Variants in DCDC1 observed in about 807,000 individuals in gnomAD.
DCDC1 encodes the protein doublecortin domain containing 1, also known as doublecortin domain-containing protein 1.
In DCDC1, 200 loss-of-function variants were observed where a neutral mutation model predicts 178.3. The ratio of observed to expected loss-of-function variants is 1.12; its 90% CI spans 1.00 to 1.26. The LOEUF (loss-of-function observed/expected upper bound fraction) is 1.26, where lower values mean the gene tolerates loss of function less well. Among genes scored for constraint, DCDC1 ranks in the 50% most tolerant of loss-of-function variants. The probability of loss-of-function intolerance (pLI) is 0.00; values close to 1 mark genes in which losing one functional copy is unlikely to be tolerated. For synonymous variants in DCDC1, 690 were observed against 604.8 expected, an observed-to-expected ratio of 1.14 and a Z score of -2.07; for missense variants, 1,983 against 1,749.2, an observed-to-expected ratio of 1.13 and a Z score of -2.38.
At chr11:31,359,740 A>C (rs1341923154) in intron 1 of DCDC1, among the ~76,000 whole-genome samples, 1 of 152,182 alleles carries the variant, frequency 6.6e-6, no homozygotes, top group African/African-American at 2.4e-5. Flanking sequence ...TTTTCTGTAC[A>C]TTTTCCCTAC....
At chr11:31,369,201 T>G (rs1011989397) in intron 1 of DCDC1, among the ~76,000 whole-genome samples, 1 of 152,330 alleles carries the variant, frequency 6.6e-6, no homozygotes, top group Non-Finnish European at 1.5e-5. Flanking sequence ...GCCTTACTTG[T>G]CTCACTGGGT....
intron 20 of DCDC1, among the ~76,000 whole-genome samples, chr11:31,016,144 A>C (rs534801807): frequency 2.0e-5 from 3 of 152,336 alleles, no homozygotes; most frequent in South Asian, 4.1e-4. Context: ...CTTCAGTCAT[A>C]AAATGGGAAT....
At chr11:31,074,165 A>AG (rs1326945674) in intron 18 of DCDC1, among the ~76,000 whole-genome samples, 1 of 152,190 alleles carries the variant, frequency 6.6e-6, no homozygotes, top group East Asian at 1.9e-4. Flanking sequence ...CTCATGGCTC[A>AG]GATCCAGTTC....
intron 20 of DCDC1, among the ~76,000 whole-genome samples, chr11:31,007,471 C>T (rs992585651): frequency 9.9e-5 from 15 of 152,112 alleles, no homozygotes; most frequent in African/African-American, 2.7e-4. Flanking sequence ...AACACTCCAA[C>T]GCTGATATAC....
intron 15 of DCDC1, among the ~76,000 whole-genome samples, chr11:31,094,989 T>A (rs1200014559): frequency 6.6e-6 from 1 of 152,144 alleles, no homozygotes; most frequent in Non-Finnish European, 1.5e-5. Flanking sequence ...TTCCCCTCCC[T>A]GTGTCCCTTT....
intron 20 of DCDC1, among the ~76,000 whole-genome samples, chr11:31,055,396 G>C (rs1362798165): frequency 6.6e-6 from 1 of 152,170 alleles, no homozygotes; most frequent in Non-Finnish European, 1.5e-5. Flanking sequence ...ATGTAAACTA[G>C]TACAATCACT....
At position 31,096,119 on chromosome 11, in the gene DCDC1, T is replaced by TTA. The variant is rs143761935; in HGVS notation, c.1984-1937_1984-1936dup. On this transcript the variant is annotated intron_variant, in intron 15 of 38. Transcript: ENST00000684477. ...AGGATAAAACTAATATATGTGGTAA[T>TTA]TATTCTGTAATGAAAGTCACTTCTC... Among the ~76,000 whole-genome samples, 25 of 152,306 alleles carry TTA rather than the reference T, an allele frequency of 1.6e-4. No homozygotes were observed. In the East Asian group the frequency reaches 4.8e-3, roughly 29 times the overall value.
chr11:31,264,451 A>AAG (rs992927307), intron 8 of DCDC1, among the ~76,000 whole-genome samples: 2 of 151,928 alleles, frequency 1.3e-5, no homozygotes, highest in African/African-American at 4.8e-5. Flanking sequence ...GGGAGGCAGA[A>AAG]AGAGAGAGAG....
At chr11:31,061,111 A>G (rs900751045) in intron 20 of DCDC1, among the ~76,000 whole-genome samples, 3 of 152,130 alleles carry the variant, frequency 2.0e-5, no homozygotes, top group African/African-American at 7.2e-5. Flanking sequence ...TTCCAATGCA[A>G]CTAACACAGA....
intron 34 of DCDC1, 39 bp downstream of exon 34, chr11:30,899,502 G>T: frequency 7.6e-7 from 1 of 1,324,280 alleles, no homozygotes; most frequent in Non-Finnish European, 9.9e-7. Flanking sequence ...GCTACATTTT[G>T]AATTAAATAT....
At chr11:31,204,205 G>GTATTT (rs1253438062) in intron 9 of DCDC1, among the ~76,000 whole-genome samples, 1 of 152,030 alleles carries the variant, frequency 6.6e-6, no homozygotes, top group African/African-American at 2.4e-5. Flanking sequence ...TGCCAAATTT[G>GTATTT]GTGGATGAAT....
At chr11:30,943,116 A>C (rs2134403679) in intron 21 of DCDC1, 1 of 151,946 alleles carries the variant, frequency 6.6e-6, no homozygotes, top group East Asian at 1.9e-4. Context: ...CTGTGTTCAC[A>C]CTGCTCTATG....
At position 31,020,627 on chromosome 11, in the gene DCDC1, G is replaced by A. The variant is rs150627934; in HGVS notation, c.2591+43842C>T. ...TAAAATTTTATAAATAGATAGAGAT[G>A]AGTCTCACTGTGTTGACCAGGTTGG... On this transcript the variant is annotated intron_variant, in intron 20 of 38. Transcript: ENST00000684477. 3.2e-4 allele frequency among the ~76,000 whole-genome samples: 49 copies of A among 152,154 alleles called. No individual in the cohort carries two copies. In the East Asian group the frequency reaches 8.7e-3, roughly 27 times the overall value.
intron 2 of DCDC1, among the ~76,000 whole-genome samples, chr11:31,331,365 T>A (rs1018310538): frequency 4.6e-5 from 7 of 152,120 alleles, no homozygotes; most frequent in Non-Finnish European, 1.0e-4. Flanking sequence ...TAATTGAATA[T>A]CCTTTATTTC....
chr11:31,208,682 A>G (rs984421658), intron 9 of DCDC1, among the ~76,000 whole-genome samples: 1 of 152,152 alleles, frequency 6.6e-6, no homozygotes, highest in Non-Finnish European at 1.5e-5. Flanking sequence ...ACCACCAGTC[A>G]TCATACTCCA....
At chr11:30,944,959 CTTTTTTTTTTTTT>C (rs34334567) in intron 21 of DCDC1, among the ~76,000 whole-genome samples, 16 of 65,520 alleles carry the variant, frequency 2.4e-4, no homozygotes, top group African/African-American at 8.2e-4. Flanking sequence ...ACAAAAATGT[CTTTTTTTTTTTTT>C]TTTTTTTTTT....
At chr11:31,272,463 T>A (rs1302321393) in intron 7 of DCDC1, among the ~76,000 whole-genome samples, 4 of 152,204 alleles carry the variant, frequency 2.6e-5, no homozygotes, top group Non-Finnish European at 5.9e-5. Flanking sequence ...CAAAGTTTCA[T>A]CTGAGACAAA....
chr11:30,987,361 G>A (rs1299702279), intron 20 of DCDC1, among the ~76,000 whole-genome samples: 5 of 152,110 alleles, frequency 3.3e-5, no homozygotes, highest in Non-Finnish European at 5.9e-5. Flanking sequence ...ATGAAACTGA[G>A]CCATTTGATA....
chr11:31,328,076 C>A, intron 3 of DCDC1, 41 bp downstream of exon 3: 1 of 1,543,444 alleles, frequency 6.5e-7, no homozygotes, highest in Non-Finnish European at 8.8e-7. Flanking sequence ...ACTTTTATCC[C>A]CTTCAGTATT....
Sources: gnomAD v4.1 joint callset for allele counts (sites outside exome capture counted in the v4.1 genomes callset) on GRCh38, gnomAD v4.1.1 for gene constraint, MANE v1.5 for transcripts, NCBI Gene and HGNC (gene_info 2026-07-23, HGNC 2026-07-21) for gene names.